E4F1: variants seen among roughly 807,000 people sequenced by gnomAD.
E4F1 encodes E4F transcription factor 1.
E4F1 carries 30 observed loss-of-function variants against 72.9 expected under a neutral mutation model. The ratio of observed to expected loss-of-function variants is 0.41; its 90% CI spans 0.31 to 0.56. The LOEUF (loss-of-function observed/expected upper bound fraction) is 0.56, where lower values mean the gene tolerates loss of function less well. Ranked by LOEUF, E4F1 falls within the 20% of genes least tolerant of loss-of-function variation. The pLI, the probability that E4F1 is intolerant of heterozygous loss-of-function variation, is 0.25. For synonymous variants in E4F1, 542 were observed against 478.2 expected (o/e 1.13, Z -1.74); for missense variants, 1,091 against 1,117.5 (o/e 0.98, Z 0.34).
Position 2,232,305 on chromosome 16 carries a change from C to G in E4F1, c.550C>G (p.Leu184Val), listed in dbSNP as rs778183040. 4.3e-6 allele frequency: 7 copies of G among 1,610,846 alleles called. No individual in the cohort carries two copies. Among genetic ancestry groups the G allele is most frequent in the Non-Finnish European group, 5.9e-6 (7 of 1,178,802 alleles). ...GGAGGGTGAGCAGGCCCAGGTGAAGCTACTGGTGAACAAGGATGGCCGCTA... is the reference window on the plus strand; with the variant it reads ...GGAGGGTGAGCAGGCCCAGGTGAAGGTACTGGTGAACAAGGATGGCCGCTA... ...AGEGEQAQVK[L>V]LVNKDGRYVC... The change falls in exon 4 of 14, where the codon CTA becomes GTA. Residue 184 changes from leucine (L) to valine (V), a missense_variant. Physicochemically the swap from Leu to Val is conservative, Grantham distance 32 (BLOSUM62 1). Around this residue, in one of 5 missense-constraint regions of E4F1, gnomAD observed 362 missense variants for 358.6 expected, o/e 1.01. Coordinates refer to ENST00000301727, the MANE Select transcript of E4F1 (RefSeq NM_004424.5).
chr16:2,223,827 G>T (rs1226490257), intron 1 of E4F1, 57 bp downstream of exon 1: 7 of 1,531,864 alleles, frequency 4.6e-6, no homozygotes, highest in Non-Finnish European at 6.1e-6. Context: ...TCCCGGGCTG[G>T]CAGAGGCCCG....
Position 2,234,192 on chromosome 16 carries a change from C to G in E4F1, c.1397C>G (p.Ala466Gly). 1 of 1,612,342 alleles carries G rather than the reference C, an allele frequency of 6.2e-7. No homozygotes were observed. Among genetic ancestry groups the G allele is most frequent in the Non-Finnish European group, 8.5e-7 (1 of 1,179,886 alleles). Residue 466 changes from alanine to glycine, a missense_variant, in exon 10 of 14, where the codon GCG (alanine) becomes GGG (glycine). Coordinates refer to ENST00000301727, the MANE Select transcript of E4F1 (RefSeq NM_004424.5). ...GHTGPRPFACAQCGKAFPKAY... is the reference protein window; with the variant it reads ...GHTGPRPFACGQCGKAFPKAY... ...GCAGGGCCGAGGCCGTTCGCCTGCG[C>G]GCAGTGTGGCAAGGCCTTCCCCAAG...
At position 2,233,530 on chromosome 16, in the gene E4F1, G is replaced by A; in HGVS notation, c.1149G>A (p.Glu383=). The A allele has an allele frequency of 6.6e-7, 1 of 1,521,552 alleles. No individual in the cohort carries two copies. Among genetic ancestry groups the A allele is most frequent in the Non-Finnish European group, 8.8e-7 (1 of 1,135,106 alleles). The allele number at this position is 1,521,552 out of a possible 1,614,324, so 94.3% of individuals were successfully genotyped here. ...QAMQNSGIVL[E]RAAGEEGALE... ...TGCAGAACTCCGGCATCGTCCTTGA[G>A]CGCGCTGCTGGGGAGGAGGGTGCCC... The change falls in exon 8 of 14, where the codon GAG becomes GAA. Residue 383 remains glutamate (E), a synonymous_variant. Transcript: ENST00000301727.
chr16:2,228,302 A>G, intron 1 of E4F1, 70 bp from the exon 2 acceptor site: 13 of 1,594,520 alleles, frequency 8.2e-6, no homozygotes, highest in Non-Finnish European at 1.1e-5. Flanking sequence ...GGCTGGAGGA[A>G]AAGCCAGACG....
chr16:2,235,054 C>A (rs760474969), intron 12 of E4F1, 27 bp from the exon 13 acceptor site: 2 of 1,612,078 alleles, frequency 1.2e-6, no homozygotes, highest in Non-Finnish European at 1.7e-6. Flanking sequence ...CCAAGGCTGA[C>A]CTCTGTCCTT....
At chr16:2,234,809 A>AG in intron 11 of E4F1, 28 bp downstream of exon 11, 1 of 264,766 alleles carries the variant, frequency 3.8e-6, no homozygotes, top group Admixed American at 6.1e-5. Context: ...TGGGAGGGGG[A>AG]GGGGAGGGGG....
chr16:2,224,284 C>A (rs1313592641), intron 1 of E4F1, among the ~76,000 whole-genome samples: 7 of 152,374 alleles, frequency 4.6e-5, no homozygotes, highest in Non-Finnish European at 1.0e-4. Flanking sequence ...CAGTCCCACA[C>A]TTGCCGCTTT....
chr16:2,227,826 CTT>C (rs34008168), intron 1 of E4F1, among the ~76,000 whole-genome samples: 26 of 132,896 alleles, frequency 2.0e-4, no homozygotes, highest in African/African-American at 3.3e-4. Flanking sequence ...GTTTTAAAAA[CTT>C]TTTTTTTTTT....
At chr16:2,233,249 C>G in intron 7 of E4F1, 66 bp downstream of exon 7, 2 of 1,531,352 alleles carry the variant, frequency 1.3e-6, no homozygotes, top group South Asian at 1.3e-5. Flanking sequence ...AGTCTTTGTT[C>G]TGGGCACTGG....
At chr16:2,223,888 C>A in intron 1 of E4F1, 118 bp downstream of exon 1, 2 of 1,532,322 alleles carry the variant, frequency 1.3e-6, no homozygotes, top group Non-Finnish European at 1.7e-6. Flanking sequence ...AGACACCTCG[C>A]GGATCTCGCG....
chr16:2,232,546 T>C lies in E4F1; in HGVS notation c.700T>C (p.Ser234Pro). 6.2e-7 allele frequency: 1 copy of C among 1,612,428 alleles called. No homozygotes were observed. Among genetic ancestry groups the C allele is most frequent in the South Asian group, 1.1e-5 (1 of 91,054 alleles). Residue 234 changes from serine (S) to proline (P), a missense_variant, in exon 5 of 14, where the codon TCA (serine) becomes CCA (proline). Physicochemically the swap from Ser to Pro is moderately conservative, Grantham distance 74. Around this residue, in one of 5 missense-constraint regions of E4F1, gnomAD observed 362 missense variants for 358.6 expected, o/e 1.01. Coordinates refer to ENST00000301727, the MANE Select transcript of E4F1 (RefSeq NM_004424.5). ...LCGASFRTKG[S>P]LIRHHRRHTD... ...TGGGGCCTCCTTCCGCACCAAGGGCTCACTCATCCGGCACCACCGGCGGCA... is the reference window on the plus strand; with the variant it reads ...TGGGGCCTCCTTCCGCACCAAGGGCCCACTCATCCGGCACCACCGGCGGCA...
At chr16:2,225,020 C>T (rs1263018144) in intron 1 of E4F1, among the ~76,000 whole-genome samples, 1 of 151,916 alleles carries the variant, frequency 6.6e-6, no homozygotes, top group Non-Finnish European at 1.5e-5. Flanking sequence ...CGAGACCAGC[C>T]TGGCCAACAT....
At chr16:2,228,284 T>C in intron 1 of E4F1, 88 bp from the exon 2 acceptor site, 1 of 1,553,414 alleles carries the variant, frequency 6.4e-7, no homozygotes, top group Non-Finnish European at 8.8e-7. Context: ...TGGGGGAATC[T>C]GTTCTAGGGC....
rs1008078690 is a variant in E4F1 at position 2,235,258 on chromosome 16, C to T, written c.2041C>T (p.Gln681Ter). The T allele has an allele frequency of 6.2e-7, 1 of 1,610,758 alleles. No homozygotes were observed. Among genetic ancestry groups the T allele is most frequent in the African/African-American group, 1.3e-5 (1 of 74,932 alleles). The change falls in exon 14 of 14, where the codon CAG (glutamine) becomes TAG (stop). Residue 681 changes from glutamine to a stop codon, truncating the protein, a stop_gained. Coordinates refer to ENST00000301727, the MANE Select transcript of E4F1 (RefSeq NM_004424.5). LOFTEE classifies it high-confidence loss of function. Reference protein sequence around the residue: ...IMKVVQQIVHQASAGHQIIVQ... With the variant: ...IMKVVQQIVH Reference sequence around the variant, plus strand: ...GAAGGTGGTGCAGCAGATCGTGCACCAGGCTAGCGCCGGCCACCAGATCAT... The same window carrying T: ...GAAGGTGGTGCAGCAGATCGTGCACTAGGCTAGCGCCGGCCACCAGATCAT...
intron 1 of E4F1, 134 bp from the exon 2 acceptor site, chr16:2,228,238 C>T (rs2093443692): frequency 1.6e-6 from 2 of 1,218,334 alleles, no homozygotes; most frequent in South Asian, 2.6e-5. Flanking sequence ...GTGTTCTCAG[C>T]AGCCTGGGGA....
intron 6 of E4F1, 46 bp downstream of exon 6, chr16:2,232,954 G>T: frequency 6.2e-7 from 1 of 1,612,198 alleles, no homozygotes. Flanking sequence ...GCTGGCTGTG[G>T]ACGCAGCCGC....
chr16:2,227,077 G>T (rs563392255), intron 1 of E4F1, among the ~76,000 whole-genome samples: 6 of 152,344 alleles, frequency 3.9e-5, no homozygotes, highest in Admixed American at 2.0e-4. Context: ...GTCTTGCCCT[G>T]TTGCCCTGGC....
At chr16:2,232,670 AG>A in intron 5 of E4F1, 85 bp from the exon 6 acceptor site, 3 of 1,604,654 alleles carry the variant, frequency 1.9e-6, no homozygotes, top group Non-Finnish European at 2.6e-6. Flanking sequence ...TTGGGGGATG[AG>A]GCGGGGGCCC....
chr16:2,228,112 C>T (rs763007895), intron 1 of E4F1, among the ~76,000 whole-genome samples: 1 of 152,218 alleles, frequency 6.6e-6, no homozygotes, highest in African/African-American at 2.4e-5. Flanking sequence ...GCAGCCTAAG[C>T]GTGCTGTCAG....
Sources: allele counts gnomAD v4.1 joint callset (sites outside exome capture counted in the v4.1 genomes callset), GRCh38; gene constraint gnomAD v4.1.1; regional missense constraint gnomAD v4.1.1; transcripts MANE v1.5; gene names NCBI Gene and HGNC (gene_info 2026-07-23, HGNC 2026-07-21).